Variants in PTPRC observed in about 807,000 individuals in gnomAD.
The protein encoded by PTPRC is protein tyrosine phosphatase receptor type C, also known as receptor-type tyrosine-protein phosphatase C.
PTPRC carries 44 observed loss-of-function variants against 155.9 expected under a neutral mutation model. The ratio of observed to expected loss-of-function variants is 0.28; its 90% CI spans 0.22 to 0.36. The LOEUF is 0.36. Ranked by LOEUF, PTPRC falls within the 10% of genes least tolerant of loss-of-function variation. PTPRC has a pLI of 1.00. For synonymous variants in PTPRC, 525 were observed against 533.1 expected, an observed-to-expected ratio of 0.98 and a Z score of 0.21; for missense variants, 1,401 against 1,564.6, an observed-to-expected ratio of 0.90 and a Z score of 1.76.
chr1:198,732,242 AG>A, intron 18 of PTPRC, 57 bp from the exon 19 acceptor site: 1 of 1,319,426 alleles, frequency 7.6e-7, no homozygotes, highest in Middle Eastern at 1.8e-4. Context: ...GTCATTGGTA[AG>A]GGGGAAATTA....
At chr1:198,662,679 T>G (rs1277300909) in intron 2 of PTPRC, among the ~76,000 whole-genome samples, 1 of 152,112 alleles carries the variant, frequency 6.6e-6, no homozygotes, top group Non-Finnish European at 1.5e-5. Context: ...TTCTGGATAC[T>G]CCTGCCTTTT....
Position 198,684,938 on chromosome 1 carries a change from C to A in PTPRC, c.74-7409C>A, listed in dbSNP as rs575922613. Among the ~76,000 whole-genome samples, 2 of 151,980 alleles carry A rather than the reference C, an allele frequency of 1.3e-5. 1 individual carries two copies. Among genetic ancestry groups the A allele is most frequent in the African/African-American group, 4.8e-5 (2 of 41,488 alleles). ...ATGTCCATTTGTATTTAATAAAAGG[C>A]CTCAATAAAGGGATGTTGAAATTCT... On this transcript the variant is annotated intron_variant, in intron 2 of 32. Transcript: ENST00000442510.
chr1:198,639,497 T>C (rs1341093431), intron 2 of PTPRC, among the ~76,000 whole-genome samples, 156 bp downstream of exon 2: 1 of 152,092 alleles, frequency 6.6e-6, no homozygotes, highest in East Asian at 1.9e-4. Flanking sequence ...CATAGCTAGT[T>C]GTGTGACAGA....
chr1:198,733,055 A>G (rs944944120), intron 20 of PTPRC, among the ~76,000 whole-genome samples: 1 of 151,812 alleles, frequency 6.6e-6, no homozygotes, highest in African/African-American at 2.4e-5. Flanking sequence ...ATGATCATCT[A>G]TCCATTGGAT....
intron 11 of PTPRC, among the ~76,000 whole-genome samples, chr1:198,711,099 C>T (rs146863220): frequency 0.013 from 1,993 of 152,274 alleles, 51 homozygotes; most frequent in African/African-American, 0.045. Context: ...GCTGGAATTA[C>T]AGGCATGAGC....
chr1:198,684,215 CATTA>C (rs756025312), intron 2 of PTPRC, among the ~76,000 whole-genome samples: 2 of 150,538 alleles, frequency 1.3e-5, no homozygotes, highest in African/African-American at 2.4e-5. Context: ...ATTTTTTTGT[CATTA>C]ATTGTTTCGT....
At chr1:198,681,527 T>G (rs1665325998) in intron 2 of PTPRC, among the ~76,000 whole-genome samples, 2 of 152,230 alleles carry the variant, frequency 1.3e-5, no homozygotes, top group Non-Finnish European at 2.9e-5. Flanking sequence ...GGAAATATCC[T>G]TGCCTAGACT....
intron 11 of PTPRC, among the ~76,000 whole-genome samples, chr1:198,711,591 A>G (rs1415371228): frequency 6.6e-6 from 1 of 152,224 alleles, no homozygotes. Flanking sequence ...AGGGCACAAA[A>G]GCAAGAAACA....
intron 12 of PTPRC, among the ~76,000 whole-genome samples, chr1:198,714,978 T>C (rs1027108491): frequency 1.3e-5 from 2 of 152,198 alleles, no homozygotes; most frequent in African/African-American, 4.8e-5. Context: ...TATGTATTAT[T>C]TAAAGATTTT....
chr1:198,642,158 G>A (rs1571769151), intron 2 of PTPRC, among the ~76,000 whole-genome samples: 1 of 152,018 alleles, frequency 6.6e-6, no homozygotes, highest in African/African-American at 2.4e-5. Flanking sequence ...TTCTGTGTAA[G>A]TAAGTATAGG....
chr1:198,725,916 T>G (rs576672795), intron 15 of PTPRC, among the ~76,000 whole-genome samples: 1 of 152,200 alleles, frequency 6.6e-6, no homozygotes, highest in Non-Finnish European at 1.5e-5. Flanking sequence ...ATTGCTCTAC[T>G]TCTAATTTCC....
At chr1:198,704,330 A>G in intron 7 of PTPRC, 142 bp from the exon 8 acceptor site, 3 of 1,452,708 alleles carry the variant, frequency 2.1e-6, no homozygotes, top group South Asian at 2.6e-5. Flanking sequence ...AACCTGTACT[A>G]GGCAAATCCT....
chr1:198,640,797 A>C (rs1662535458), intron 2 of PTPRC, among the ~76,000 whole-genome samples: 2 of 151,986 alleles, frequency 1.3e-5, no homozygotes, highest in Non-Finnish European at 2.9e-5. Context: ...ATATTCATTT[A>C]ACTTCTATTA....
chr1:198,665,858 T>A (rs1344086830), intron 2 of PTPRC, among the ~76,000 whole-genome samples: 1 of 152,194 alleles, frequency 6.6e-6, no homozygotes, highest in Non-Finnish European at 1.5e-5. Context: ...AAACAGAATA[T>A]GATTCTCTTT....
At chr1:198,749,599 A>G in intron 28 of PTPRC, 50 bp downstream of exon 28, 4 of 1,566,874 alleles carry the variant, frequency 2.6e-6, no homozygotes, top group Non-Finnish European at 3.5e-6. Flanking sequence ...TTAAAATAAT[A>G]TCTATGTTAT....
At chr1:198,744,426 A>G (rs1227992549) in intron 26 of PTPRC, among the ~76,000 whole-genome samples, 1 of 151,886 alleles carries the variant, frequency 6.6e-6, no homozygotes, top group Non-Finnish European at 1.5e-5. Flanking sequence ...ATCTGATTCT[A>G]TTGCTAATAC....
At chr1:198,689,195 T>C (rs1665795321) in intron 2 of PTPRC, among the ~76,000 whole-genome samples, 1 of 152,154 alleles carries the variant, frequency 6.6e-6, no homozygotes, top group African/African-American at 2.4e-5. Flanking sequence ...TTAAAAAACG[T>C]ATTGCCTTTG....
At chr1:198,683,295 C>T (rs1328915849) in intron 2 of PTPRC, among the ~76,000 whole-genome samples, 3 of 152,136 alleles carry the variant, frequency 2.0e-5, no homozygotes, top group Non-Finnish European at 2.9e-5. Context: ...TAAAAGATTT[C>T]ACCACTTATG....
Position 198,731,583 on chromosome 1 carries a change from T to C in PTPRC, c.1865-34T>C, listed in dbSNP as rs776130443. ...TGTGTATGCCCACCTGAAAGACACA[T>C]GTAACTAGTATTGAATCTTTAATAT... On this transcript the variant is annotated intron_variant, in intron 17 of 32. Transcript: ENST00000442510. The C allele has an allele frequency of 7.4e-6, 11 of 1,481,706 alleles. No individual in the cohort carries two copies. The Admixed American group carries it at 1.8e-4, about 25-fold the overall frequency. 91.8% of individuals were successfully genotyped at this position (1,481,706 alleles called of 1,614,324 possible). A position where few individuals can be genotyped will look rare whatever the true frequency, so the allele number is the denominator to read the frequency against.
Sources: allele counts gnomAD v4.1 joint callset (sites outside exome capture counted in the v4.1 genomes callset), GRCh38; gene constraint gnomAD v4.1.1; transcripts MANE v1.5; gene names NCBI Gene and HGNC (gene_info 2026-07-23, HGNC 2026-07-21).